NEB: variants seen among roughly 807,000 people sequenced by gnomAD.
The protein encoded by NEB is nebulin.
Under a neutral mutation model 952.2 loss-of-function variants are expected in NEB, and 512 were observed. The observed-to-expected ratio is 0.54, with a 90% CI of 0.50 to 0.58. NEB has a LOEUF of 0.58. Ranked by LOEUF, NEB falls within the 20% of genes least tolerant of loss-of-function variation. The pLI, the probability that NEB is intolerant of heterozygous loss-of-function variation, is 0.00. For synonymous variants in NEB, 2,900 were observed against 3,149.8 expected, an observed-to-expected ratio of 0.92 and a Z score of 2.66; for missense variants, 8,428 against 9,231.1, an observed-to-expected ratio of 0.91 and a Z score of 3.56.
At chr2:151,733,348 G>C (rs1450898539) in intron 2 of NEB, among the ~76,000 whole-genome samples, 163 bp from the exon 3 acceptor site, 4 of 152,214 alleles carry the variant, frequency 2.6e-5, no homozygotes, top group Non-Finnish European at 5.9e-5. Flanking sequence ...AGTATAAACA[G>C]CAGAAGCTTC....
At position 151,696,656 on chromosome 2, in the gene NEB, T is replaced by C. The variant is rs199710125; in HGVS notation, c.1550A>G (p.Asn517Ser). 421 of 1,613,546 alleles carry C rather than the reference T, an allele frequency of 2.6e-4. 1 individual carries two copies. Among genetic ancestry groups the C allele is most frequent in the Non-Finnish European group, 3.4e-4 (401 of 1,179,616 alleles). The change falls in exon 17 of 182, where the codon AAT becomes AGT. Residue 517 changes from asparagine to serine, a missense_variant. This residue lies in a region of NEB where 2,851 missense variants were observed against 2,791.5 expected (regional missense o/e 1.02). Transcript: ENST00000397345. ...ACTTACGTCACTCAGTTGTTTGGAA[T>C]TGACTTGGGCTTGTAGCAGAACAGG... ...DSPVLLQAQV[N>S]SKQLSDLNYK...
At chr2:151,576,728 T>C in intron 105 of NEB, among the ~76,000 whole-genome samples, 1 of 151,032 alleles carries the variant, frequency 6.6e-6, no homozygotes, top group Non-Finnish European at 1.5e-5. Context: ...AGAGACGGAG[T>C]TTCACCATGC....
At chr2:151,683,371 T>C (rs1208790998) in intron 28 of NEB, among the ~76,000 whole-genome samples, 2 of 152,200 alleles carry the variant, frequency 1.3e-5, no homozygotes, top group Non-Finnish European at 1.5e-5. Flanking sequence ...GAGGCACAGT[T>C]ACTTGACGCT....
chr2:151,564,990 C>T, intron 117 of NEB, 54 bp downstream of exon 117: 1 of 1,084,536 alleles, frequency 9.2e-7, no homozygotes, highest in Non-Finnish European at 1.4e-6. Context: ...AATATGAATG[C>T]AACAAGAGCT....
chr2:151,711,394 A>G (rs6433575), intron 10 of NEB, among the ~76,000 whole-genome samples: 103,093 of 152,088 alleles, frequency 0.68, 38,627 homozygotes, highest in Non-Finnish European at 0.83. Context: ...GTCTCAAGGC[A>G]CTGGCATATG....
In NEB at chr2:151,514,840, T is replaced by TA; in HGVS notation, c.22993dup (p.Tyr7665LeufsTer4). The TA allele has an allele frequency of 2.5e-6, 4 of 1,581,418 alleles. No individual in the cohort carries two copies. The highest frequency in any genetic ancestry group is 3.4e-6 in the Non-Finnish European group (4 of 1,162,054). Reference sequence around the variant, plus strand: ...TACCTCGCTTGCTATTTTAGTTGCATATTTGACATGTAACAAAGCTGGCGT... The same window carrying TA: ...TACCTCGCTTGCTATTTTAGTTGCATAATTTGACATGTAACAAAGCTGGCGT... On this transcript the variant is annotated frameshift_variant, in exon 158 of 182. Coordinates refer to ENST00000397345, the MANE Select transcript of NEB (RefSeq NM_001164508.2). LOFTEE classifies it high-confidence loss of function.
In NEB at chr2:151,537,874, C is replaced by G; in HGVS notation, c.21100G>C (p.Asp7034His). Residue 7034 changes from aspartate to histidine, a missense_variant and splice_region_variant, in exon 140 of 182, where the codon GAT (aspartate) becomes CAT (histidine). This residue lies in a region of NEB where 3,374 missense variants were observed against 3,651.5 expected (regional missense o/e 0.92). Transcript: ENST00000397345. The stretch of plus-strand genomic sequence containing the variant: ...AAATAGAAGATGTCAACACTCACAT[C>G]ACTGACTGTGTCAGTGACTGCTCGG... ...HHRAVTDTVS[D>H]VKYKEDLTWL... The G allele has an allele frequency of 6.3e-7, 1 of 1,597,940 alleles. No individual in the cohort carries two copies. The highest frequency in any genetic ancestry group is 1.3e-5 in the African/African-American group (1 of 74,476).
At chr2:151,641,877 A>G (rs1416891817) in intron 60 of NEB, among the ~76,000 whole-genome samples, 1 of 152,194 alleles carries the variant, frequency 6.6e-6, no homozygotes, top group East Asian at 1.9e-4. Context: ...GGTTTGTTAC[A>G]TATGTATATA....
chr2:151,667,837 A>G lies in NEB; in HGVS notation c.4686T>C (p.Val1562=), dbSNP rs2154182813. The stretch of plus-strand genomic sequence containing the variant: ...CAATATTCCTTGAACTTTTTGCAGC[A>G]ACAATTGGGATGGCATCTGGTCTCA... ...YDLRPDAIPI[V]AAKSSRNIAS... is the part of the protein sequence containing the mutation. Residue 1562 remains valine (V), a synonymous_variant, in exon 40 of 182, where the codon GTT becomes GTC. Transcript: ENST00000397345. 4 of 1,612,664 alleles carry G rather than the reference A, an allele frequency of 2.5e-6. No homozygotes were observed. Among genetic ancestry groups the G allele is most frequent in the Non-Finnish European group, 3.4e-6 (4 of 1,178,938 alleles).
At chr2:151,538,931 C>T (rs1367901092) in intron 138 of NEB, among the ~76,000 whole-genome samples, 1 of 152,216 alleles carries the variant, frequency 6.6e-6, no homozygotes, top group Non-Finnish European at 1.5e-5. Context: ...TTGGGGTTAA[C>T]TGAGCAAACA....
At chr2:151,565,384 G>A (rs2096312085) in intron 116 of NEB, 117 bp downstream of exon 116, 1 of 808,204 alleles carries the variant, frequency 1.2e-6, no homozygotes, top group Middle Eastern at 2.3e-4. Context: ...GATGATCTTA[G>A]AATTTACCAC....
chr2:151,506,315 C>T, intron 163 of NEB, 57 bp from the exon 164 acceptor site: 1 of 1,333,438 alleles, frequency 7.5e-7, no homozygotes, highest in Non-Finnish European at 1.1e-6. Flanking sequence ...CCCAGCAGTT[C>T]CTGGAGAAAG....
At chr2:151,533,353 G>T in intron 143 of NEB, 89 bp downstream of exon 143, 2 of 818,736 alleles carry the variant, frequency 2.4e-6, no homozygotes, top group South Asian at 1.6e-5. Flanking sequence ...CATGGGCAGG[G>T]AGTGGAAGAG....
rs746558524 is a variant in NEB at position 151,505,551 on chromosome 2, A to G, written c.23669T>C (p.Ile7890Thr). The G allele has an allele frequency of 1.9e-6, 3 of 1,613,612 alleles. No homozygotes were observed. Among genetic ancestry groups the G allele is most frequent in the Admixed American group, 1.7e-5 (1 of 60,012 alleles). The change falls in exon 165 of 182, where the codon ATA (isoleucine) becomes ACA (threonine). Residue 7890 changes from isoleucine to threonine, a missense_variant. Transcript: ENST00000397345. ...HISSVKYKEA[I>T]GQGTPIPDLP... ...GTCAGGGATTGGAGTTCCTTGTCCT[A>G]TTGCTTCCTTATACTTCACCTGCAG...
chr2:151,641,034 C>T (rs1399838946), intron 60 of NEB, among the ~76,000 whole-genome samples: 1 of 151,928 alleles, frequency 6.6e-6, no homozygotes, highest in Non-Finnish European at 1.5e-5. Flanking sequence ...TTTATATGCT[C>T]AATGATCCAA....
chr2:151,508,166 G>A, intron 161 of NEB, 57 bp from the exon 162 acceptor site: 1 of 1,229,150 alleles, frequency 8.1e-7, no homozygotes, highest in Non-Finnish European at 1.2e-6. Flanking sequence ...ATAGGCCAAT[G>A]GGACCTAAAA....
chr2:151,625,353 A>G (rs1184963284), intron 71 of NEB, among the ~76,000 whole-genome samples, 181 bp downstream of exon 71: 1 of 152,162 alleles, frequency 6.6e-6, no homozygotes, highest in African/African-American at 2.4e-5. Flanking sequence ...TGTCTAATCT[A>G]TCTACCTTTC....
In NEB at chr2:151,618,491, A is replaced by C. The variant is rs191676595; in HGVS notation, c.10873-13T>G. The C allele has an allele frequency of 3.1e-6, 5 of 1,608,456 alleles. No homozygotes were observed. Among genetic ancestry groups the C allele is most frequent in the African/African-American group, 1.3e-5 (1 of 74,936 alleles). On this transcript the variant is annotated splice_polypyrimidine_tract_variant and intron_variant, in intron 73 of 181. Transcript: ENST00000397345. ...ACTTATACAAATTCTGCAGATCAAC[A>C]GATAAGAAACAGATTTATTAATTAG...
In NEB at chr2:151,508,074, C is replaced by G; in HGVS notation, c.23382G>C (p.Ser7794=). 1.9e-6 allele frequency: 3 copies of G among 1,610,126 alleles called. No homozygotes were observed. The highest frequency in any genetic ancestry group is 2.5e-6 in the Non-Finnish European group (3 of 1,178,052). Residue 7794 remains serine (S), a synonymous_variant, in exon 162 of 182, where the codon TCG becomes TCC. Transcript: ENST00000397345. The part of the protein sequence containing the change: ...KYKEDAEKSM[S]YYETVLDTPE... ...GGGTGTCCAAAACAGTCTCATAATA[C>G]GACATGGACTTCTCAGCATCTTCCT...
Sources: gnomAD v4.1 joint callset for allele counts (sites outside exome capture counted in the v4.1 genomes callset) on GRCh38, gnomAD v4.1.1 for gene constraint, gnomAD v4.1.1 regional missense constraint, MANE v1.5 for transcripts, NCBI Gene and HGNC (gene_info 2026-07-23, HGNC 2026-07-21) for gene names.